CFAP69: variants seen among roughly 807,000 people sequenced by gnomAD.
CFAP69 encodes the protein cilia- and flagella-associated protein 69.
Under a neutral mutation model 123.0 loss-of-function variants are expected in CFAP69, and 92 were observed. The observed-to-expected ratio is 0.75, with a 90% CI of 0.63 to 0.89. The LOEUF (loss-of-function observed/expected upper bound fraction) is 0.89, where lower values mean the gene tolerates loss of function less well. CFAP69 is among the 40% of genes least tolerant of loss of function. CFAP69 has a pLI of 0.00. For missense variants in CFAP69, 1,067 were observed against 1,096.9 expected (o/e 0.97, Z 0.39); for synonymous variants, 380 against 364.3 (o/e 1.04, Z -0.49).
chr7:90,304,294 TCCAGGCAATAGTATTTTTTAAAGCTCC>T (rs1156939224), intron 18 of CFAP69, 188 bp downstream of exon 18: 1 of 1,320,804 alleles, frequency 7.6e-7, no homozygotes, highest in Non-Finnish European at 9.6e-7. Context: ...GTGTGTGGGA[TCCAGGCAATAGTATTTTTTAAAGCTCC>T]CCAGGCAATT....
chr7:90,304,560 C>T (rs9655741), intron 18 of CFAP69, 184 bp from the exon 19 acceptor site: 13 of 1,365,994 alleles, frequency 9.5e-6, no homozygotes, highest in Non-Finnish European at 1.2e-5. Context: ...TAGAAAGAAG[C>T]CTACTCACAA....
At chr7:90,245,666 C>G in intron 1 of CFAP69, 122 bp downstream of exon 1, 1 of 1,255,016 alleles carries the variant, frequency 8.0e-7, no homozygotes, top group Non-Finnish European at 1.1e-6. Flanking sequence ...GGGGAAGCCG[C>G]GGGATGGAGA....
chr7:90,289,873 C>A (rs142458619), intron 15 of CFAP69, among the ~76,000 whole-genome samples: 222 of 152,250 alleles, frequency 1.5e-3, no homozygotes, highest in African/African-American at 4.6e-3. Flanking sequence ...ATAAACCATC[C>A]TTTACCCACT....
chr7:90,289,760 C>T (rs578120712), intron 15 of CFAP69, among the ~76,000 whole-genome samples: 13 of 152,244 alleles, frequency 8.5e-5, no homozygotes, highest in Admixed American at 8.5e-4. Flanking sequence ...TTGCCCTTTA[C>T]ATTTAGACCT....
In CFAP69 at chr7:90,245,256, C is replaced by T; in HGVS notation, c.-169C>T. On this transcript the variant is annotated 5_prime_UTR_variant, in exon 1 of 23. Coordinates refer to ENST00000389297, the MANE Select transcript of CFAP69 (RefSeq NM_001039706.3). ...GGGGGCGGCAGCGGCGCTAAGCGGA[C>T]TGTATGGCGGTGGCCTAGGCCCCTG... is the stretch of plus-strand genomic sequence containing the variant. 1 of 841,732 alleles carries T rather than the reference C, an allele frequency of 1.2e-6. No individual in the cohort carries two copies. Among genetic ancestry groups the T allele is most frequent in the Non-Finnish European group, 1.7e-6 (1 of 600,328 alleles). The allele number at this position is 841,732 out of a possible 1,614,324, so 52.1% of individuals were successfully genotyped here. A position where few individuals can be genotyped will look rare whatever the true frequency, so the allele number is the denominator to read the frequency against.
rs1465245924 is a variant in CFAP69 at position 90,310,503 on chromosome 7, G to C, written c.*265G>C. The C allele has an allele frequency of 2.0e-5, 4 of 204,258 alleles. No homozygotes were observed. The highest frequency in any genetic ancestry group is 3.9e-5 in the Non-Finnish European group (4 of 103,766). 12.7% of individuals were successfully genotyped at this position (204,258 alleles called of 1,614,324 possible). Reference sequence around the variant, plus strand: ...AACATAGTACATCAGTTAGGACTCTGTTGGTTGCATGTGAACTATTCTAAC... The same window carrying C: ...AACATAGTACATCAGTTAGGACTCTCTTGGTTGCATGTGAACTATTCTAAC... On this transcript the variant is annotated 3_prime_UTR_variant, in exon 23 of 23. Transcript: ENST00000389297.
intron 14 of CFAP69, among the ~76,000 whole-genome samples, chr7:90,287,106 A>T (rs1367999018): frequency 6.7e-6 from 1 of 149,168 alleles, no homozygotes; most frequent in Non-Finnish European, 1.5e-5. Flanking sequence ...AAAAAAAAAG[A>T]TAGAAATATA....
In CFAP69 at chr7:90,245,218, T is replaced by C. The variant is rs2116447148; in HGVS notation, c.-207T>C. ...TTAACAACCGGCCCGGGATCAGAGG[T>C]CTGGGTCAACTGGGGGGCGGCAGCG... On this transcript the variant is annotated 5_prime_UTR_variant, in exon 1 of 23. Coordinates refer to ENST00000389297, the MANE Select transcript of CFAP69 (RefSeq NM_001039706.3). The C allele has an allele frequency of 1.9e-6, 1 of 539,216 alleles. No homozygotes were observed. Among genetic ancestry groups the C allele is most frequent in the South Asian group, 4.1e-5 (1 of 24,506 alleles). The allele number at this position is 539,216 out of a possible 1,614,324, so 33.4% of individuals were successfully genotyped here.
intron 11 of CFAP69, 143 bp from the exon 12 acceptor site, chr7:90,279,534 C>A (rs1170012174): frequency 1.6e-5 from 7 of 444,550 alleles, no homozygotes; most frequent in African/African-American, 2.1e-5. Flanking sequence ...TTTTTTGGTA[C>A]CTATCATAGA....
At chr7:90,316,033 GCAGTGAGCCAAGAT>G (rs1794788128), downstream of CFAP69, among the ~76,000 whole-genome samples, 1 of 152,190 alleles carries the variant, frequency 6.6e-6, no homozygotes, top group Non-Finnish European at 1.5e-5. Flanking sequence ...GGCGGAGGCT[GCAGTGAGCCAAGAT>G]CACGCCATTG....
intron 12 of CFAP69, among the ~76,000 whole-genome samples, chr7:90,281,410 G>A (rs941589906): frequency 4.0e-5 from 6 of 151,872 alleles, no homozygotes; most frequent in Non-Finnish European, 5.9e-5. Context: ...CAAGACCTAC[G>A]ATAAAGCTAT....
At chr7:90,270,468 G>A (rs915347210) in intron 6 of CFAP69, among the ~76,000 whole-genome samples, 5 of 152,014 alleles carry the variant, frequency 3.3e-5, no homozygotes, top group African/African-American at 7.2e-5. Flanking sequence ...ATATGAAAAT[G>A]TTAATGTTAT....
At chr7:90,287,857 A>G (rs780967665) in intron 14 of CFAP69, 2 of 584,088 alleles carry the variant, frequency 3.4e-6, no homozygotes, top group African/African-American at 2.0e-5. Context: ...AAAATCTTGC[A>G]TGATAGTTCT....
intron 3 of CFAP69, among the ~76,000 whole-genome samples, chr7:90,260,785 AT>A (rs35784391): frequency 0.055 from 8,088 of 147,226 alleles, 272 homozygotes; most frequent in Non-Finnish European, 0.079. Context: ...CAACACCTCC[AT>A]TTTTTTTTTC....
In CFAP69 at chr7:90,297,829, C is replaced by A. The variant is rs758517969; in HGVS notation, c.1856C>A (p.Ala619Glu). 5 of 1,564,668 alleles carry A rather than the reference C, an allele frequency of 3.2e-6. No individual in the cohort carries two copies. In the East Asian group the frequency reaches 7.0e-5, roughly 22 times the overall value. The change falls in exon 16 of 23, where the codon GCA (alanine) becomes GAA (glutamate). Residue 619 changes from alanine to glutamate, a missense_variant and splice_region_variant. Ala to Glu is a moderately radical substitution (Grantham distance 107). Transcript: ENST00000389297. ...EGIFLLLDLL[A>E]LNQKKFCNLI... The stretch of plus-strand genomic sequence containing the variant: ...ATTTTTCTCCTTTTGGATTTGTTAG[C>A]AGTAAGTATGGCTATAACAATCATA...
intron 15 of CFAP69, among the ~76,000 whole-genome samples, chr7:90,290,514 T>C (rs1584485545): frequency 6.6e-6 from 1 of 152,212 alleles, no homozygotes; most frequent in East Asian, 1.9e-4. Flanking sequence ...TTATTCAGTT[T>C]ACTGATTAAA....
At chr7:90,322,293 A>C in the CFAP69 span, 1 of 152,226 alleles carries the variant, frequency 6.6e-6, no homozygotes, top group East Asian at 1.9e-4. Context: ...ATTAGGTAGG[A>C]TATACACGAA....
At chr7:90,307,695 C>CA (rs2117454193) in intron 20 of CFAP69, 73 bp from the exon 21 acceptor site, 4 of 902,478 alleles carry the variant, frequency 4.4e-6, no homozygotes, top group Middle Eastern at 2.6e-4. Context: ...GCCTGGGTGA[C>CA]AGAGTGAGGT....
intron 14 of CFAP69, 123 bp downstream of exon 14, chr7:90,286,522 A>T: frequency 4.1e-6 from 4 of 976,560 alleles, no homozygotes; most frequent in African/African-American, 1.7e-5. Context: ...TAATAATTAG[A>T]GCATAATTAT....
Sources: allele counts gnomAD v4.1 joint callset (sites outside exome capture counted in the v4.1 genomes callset), GRCh38; gene constraint gnomAD v4.1.1; transcripts MANE v1.5; gene names NCBI Gene and HGNC (gene_info 2026-07-23, HGNC 2026-07-21).